GRK5: variants seen among roughly 807,000 people sequenced by gnomAD.
GRK5 encodes the protein g protein-coupled receptor kinase GRK5.
Under a neutral mutation model 78.4 loss-of-function variants are expected in GRK5, and 40 were observed. The ratio of observed to expected loss-of-function variants is 0.51; its 90% confidence interval spans 0.40 to 0.66. GRK5 has a LOEUF of 0.66. Ranked by LOEUF, GRK5 falls within the 30% of genes least tolerant of loss-of-function variation. The pLI is 0.00. For synonymous variants in GRK5, 289 were observed against 296.8 expected, an observed-to-expected ratio of 0.97 and a Z score of 0.27; for missense variants, 598 against 759.9, an observed-to-expected ratio of 0.79 and a Z score of 2.50.
At position 119,442,102 on chromosome 10, in the gene GRK5, T is replaced by A. The variant is rs766015107; in HGVS notation, c.1057+14T>A. The A allele has an allele frequency of 2.5e-6, 4 of 1,611,002 alleles. No homozygotes were observed. Among genetic ancestry groups the A allele is most frequent in the East Asian group, 4.5e-5 (2 of 44,874 alleles). ...TTGGCTACATGGGTGAGTGCTGGGC[T>A]GCCTGTGTCAATGCACCTTGAGACC... On this transcript the variant is annotated intron_variant, in intron 11 of 15. Coordinates refer to ENST00000392870, the MANE Select transcript of GRK5 (RefSeq NM_005308.3).
chr10:119,415,270 C>A (rs1387252813), intron 4 of GRK5, among the ~76,000 whole-genome samples: 1 of 151,876 alleles, frequency 6.6e-6, no homozygotes, highest in South Asian at 2.1e-4. Context: ...TTTGGACATG[C>A]CATGAAGGGG....
In GRK5 at chr10:119,423,180, A is replaced by T. The variant is rs571210602; in HGVS notation, c.354A>T (p.Ile118=). 1 of 1,613,414 alleles carries T rather than the reference A, an allele frequency of 6.2e-7. No homozygotes were observed. Among genetic ancestry groups the T allele is most frequent in the African/African-American group, 1.3e-5 (1 of 75,024 alleles). ...CCTTCTTCCAGTCCCCTGTTTTCAT[A>T]GCCCAAGTTGGCCAAGACCTGGTCT... ...KYLTPKSPVF[I]AQVGQDLVSQ... Residue 118 remains isoleucine (I), a synonymous_variant, in exon 5 of 16, where the codon ATA becomes ATT. Coordinates refer to ENST00000392870, the MANE Select transcript of GRK5 (RefSeq NM_005308.3).
intron 3 of GRK5, among the ~76,000 whole-genome samples, chr10:119,394,358 G>C (rs1851974946): frequency 9.7e-6 from 1 of 102,886 alleles, no homozygotes; most frequent in Admixed American, 8.6e-5. Context: ...ATGTGGGTGT[G>C]TGGGTGTGTG....
intron 1 of GRK5, among the ~76,000 whole-genome samples, chr10:119,245,504 TAA>T (rs1221058947): frequency 6.6e-6 from 1 of 152,124 alleles, no homozygotes; most frequent in African/African-American, 2.4e-5. Flanking sequence ...GACATTATCG[TAA>T]GTAAAATAAG....
intron 8 of GRK5, among the ~76,000 whole-genome samples, chr10:119,434,322 A>G (rs905013869): frequency 6.6e-6 from 1 of 152,236 alleles, no homozygotes; most frequent in African/African-American, 2.4e-5. Context: ...CATTAACTCA[A>G]AAGTCCATAC....
intron 1 of GRK5, among the ~76,000 whole-genome samples, chr10:119,290,703 C>T (rs917119241): frequency 6.6e-6 from 1 of 151,996 alleles, no homozygotes; most frequent in East Asian, 1.9e-4. Context: ...CTTGTCCTTC[C>T]GAGTCCCTCT....
At chr10:119,279,126 C>T (rs1024725860) in intron 1 of GRK5, among the ~76,000 whole-genome samples, 13 of 152,176 alleles carry the variant, frequency 8.5e-5, no homozygotes, top group Non-Finnish European at 1.0e-4. Context: ...GTGATCCACC[C>T]GCCTTGGCCT....
At chr10:119,233,200 C>G (rs1420640477) in intron 1 of GRK5, among the ~76,000 whole-genome samples, 2 of 152,166 alleles carry the variant, frequency 1.3e-5, no homozygotes, top group Admixed American at 1.3e-4. Flanking sequence ...ACATCTACCC[C>G]CTCTTCTTCT....
intron 1 of GRK5, among the ~76,000 whole-genome samples, chr10:119,261,038 A>ACCCC (rs59081445): frequency 4.7e-4 from 3 of 6,316 alleles, no homozygotes; most frequent in Non-Finnish European, 7.9e-4. Flanking sequence ...CAGGGGGCTG[A>ACCCC]CCCCCCCACC....
intron 1 of GRK5, among the ~76,000 whole-genome samples, chr10:119,313,265 G>T (rs1486639231): frequency 2.0e-5 from 3 of 150,318 alleles, no homozygotes; most frequent in Admixed American, 2.0e-4. Context: ...TGATGGTGGT[G>T]GTAATAGTGG....
rs914790434 is a variant in GRK5, at chr10:119,337,862, T to A, written c.148+11251T>A. ...GTTTTGAACTCCTGATCTCAGGAGA[T>A]CCTCCTGCCTTGGCCTCCCATAGTA... On this transcript the variant is annotated intron_variant, in intron 2 of 15. Coordinates refer to ENST00000392870, the MANE Select transcript of GRK5 (RefSeq NM_005308.3). Among the ~76,000 whole-genome samples the A allele has an allele frequency of 3.9e-5, 6 of 152,254 alleles. No homozygotes were observed. In the East Asian group the frequency reaches 1.2e-3, roughly 29 times the overall value.
rs566425295 is a variant in GRK5 at position 119,350,326 on chromosome 10, C to G, written c.148+23715C>G. On this transcript the variant is annotated intron_variant, in intron 2 of 15. Coordinates refer to ENST00000392870, the MANE Select transcript of GRK5 (RefSeq NM_005308.3). ...GGTGGTGGGAGAAGTAAGTTACCTT[C>G]AAGTCTGAGTTGGCATGAACTTGCC... is the stretch of plus-strand genomic sequence containing the variant. Among the ~76,000 whole-genome samples the G allele has an allele frequency of 3.3e-5, 5 of 152,352 alleles. No homozygotes were observed. In the South Asian group the frequency reaches 1.0e-3, roughly 32 times the overall value.
intron 1 of GRK5, among the ~76,000 whole-genome samples, chr10:119,218,074 T>TTGTGTGTGTGTGTGTGTGTGTGTG (rs59742803): frequency 1.0e-4 from 15 of 146,582 alleles, no homozygotes; most frequent in Admixed American, 9.6e-4. Flanking sequence ...GTCAACCCGT[T>TTGTGTGTGTGTGTGTGTGTGTGTG]TGTGTGTGTG....
chr10:119,342,509 C>A (rs796953031), intron 2 of GRK5, among the ~76,000 whole-genome samples: 1 of 152,182 alleles, frequency 6.6e-6, no homozygotes. Context: ...TAGGGTCTGG[C>A]CTGCAGCAAG....
rs997042522 is a variant in GRK5 at position 119,264,137 on chromosome 10, G to A, written c.52+56168G>A. 6.6e-6 allele frequency among the ~76,000 whole-genome samples: 1 copy of A among 152,082 alleles called. No homozygotes were observed. The highest frequency in any genetic ancestry group is 1.5e-5 in the Non-Finnish European group (1 of 68,026). On this transcript the variant is annotated intron_variant, in intron 1 of 15. Transcript: ENST00000392870. The surrounding 1 kb of genome is among the most constrained non-coding windows in gnomAD (Gnocchi z 4.1). ...TATTTGTTATCAAAATGAGCCACGTGCTTGCATGCCACCTTGAATGCTCTC... is the reference window on the plus strand; with the variant it reads ...TATTTGTTATCAAAATGAGCCACGTACTTGCATGCCACCTTGAATGCTCTC...
At chr10:119,450,684 T>C (rs1564940803) in intron 13 of GRK5, among the ~76,000 whole-genome samples, 1 of 152,108 alleles carries the variant, frequency 6.6e-6, no homozygotes, top group Non-Finnish European at 1.5e-5. Flanking sequence ...TTGGTCACCC[T>C]GGGAGTGACC....
intron 3 of GRK5, among the ~76,000 whole-genome samples, chr10:119,388,605 G>A (rs1042593619): frequency 1.3e-5 from 2 of 152,048 alleles, no homozygotes; most frequent in South Asian, 4.1e-4. Flanking sequence ...CCAAAGTGCT[G>A]GGATTACAGG....
At chr10:119,325,397 C>T (rs17098705) in intron 1 of GRK5, among the ~76,000 whole-genome samples, 29,343 of 151,948 alleles carry the variant, frequency 0.19, 3,476 homozygotes, top group African/African-American at 0.33. Context: ...ACTGGGCTCC[C>T]CTGGGTTGCT....
At position 119,437,872 on chromosome 10, in the gene GRK5, C is replaced by T. The variant is rs541514701; in HGVS notation, c.929+1031C>T. The stretch of plus-strand genomic sequence containing the variant: ...CAGCACTTTGGGAGGCTGGGGCAGG[C>T]GGATCACCTGAGGTCAGTGGTTTGA... On this transcript the variant is annotated intron_variant, in intron 9 of 15. Transcript: ENST00000392870. Among the ~76,000 whole-genome samples, 38 of 152,236 alleles carry T rather than the reference C, an allele frequency of 2.5e-4. No homozygotes were observed. In the South Asian group the frequency reaches 4.8e-3, roughly 19 times the overall value.
Sources: gnomAD v4.1 joint callset for allele counts (sites outside exome capture counted in the v4.1 genomes callset) on GRCh38, gnomAD v4.1.1 for gene constraint, Gnocchi (gnomAD v3.1) non-coding constraint, MANE v1.5 for transcripts, NCBI Gene and HGNC (gene_info 2026-07-23, HGNC 2026-07-21) for gene names.